The following DEPDC5 variants were observed in gnomAD, a reference collection of about 807,000 sequenced individuals.
The protein encoded by DEPDC5 is GATOR1 complex protein DEPDC5.
DEPDC5 carries 73 observed loss-of-function variants against 217.3 expected under a neutral mutation model. The observed-to-expected ratio is 0.34, with a 90% CI of 0.28 to 0.41. The LOEUF is 0.41. DEPDC5 is among the 10% of genes least tolerant of loss of function. The pLI, the probability that DEPDC5 is intolerant of heterozygous loss-of-function variation, is 1.00. For synonymous variants in DEPDC5, 733 were observed against 756.7 expected (o/e 0.97, Z 0.51); for missense variants, 1,675 against 2,070.1 (o/e 0.81, Z 3.70).
chr22:31,796,897 G>A (rs538032158), intron 12 of DEPDC5, among the ~76,000 whole-genome samples: 4 of 151,656 alleles, frequency 2.6e-5, no homozygotes, highest in African/African-American at 4.8e-5. Flanking sequence ...GGGTTTCACC[G>A]TGTTGGCCAG....
chr22:31,850,455 G>T (rs1332466518), intron 31 of DEPDC5, among the ~76,000 whole-genome samples: 1 of 152,098 alleles, frequency 6.6e-6, no homozygotes, highest in Non-Finnish European at 1.5e-5. Flanking sequence ...ATTAGTTATT[G>T]TTGATAATCT....
At chr22:31,812,897 C>T (rs780468185) in intron 20 of DEPDC5, among the ~76,000 whole-genome samples, 10 of 151,832 alleles carry the variant, frequency 6.6e-5, no homozygotes, top group Non-Finnish European at 7.4e-5. Context: ...TGCGCCTCCA[C>T]GCCTGGCTAA....
chr22:31,815,504 C>T, intron 21 of DEPDC5: 1 of 654,310 alleles, frequency 1.5e-6, no homozygotes, highest in East Asian at 2.7e-5. Context: ...CCCACCTCTG[C>T]CTCCCAAGTA....
At chr22:31,881,528 G>A (rs533009864) in intron 38 of DEPDC5, among the ~76,000 whole-genome samples, 2 of 152,146 alleles carry the variant, frequency 1.3e-5, no homozygotes, top group East Asian at 1.9e-4. Flanking sequence ...CCGTATACCC[G>A]TTACCCTGGG....
intron 38 of DEPDC5, among the ~76,000 whole-genome samples, chr22:31,883,633 CTG>C (rs1010858403): frequency 6.6e-6 from 1 of 152,208 alleles, no homozygotes; most frequent in Non-Finnish European, 1.5e-5. Context: ...GTTTAGGAAA[CTG>C]TGAGGCTCAG....
chr22:31,892,442 G>A (rs546579921), intron 38 of DEPDC5, among the ~76,000 whole-genome samples: 2 of 152,358 alleles, frequency 1.3e-5, no homozygotes, highest in African/African-American at 4.8e-5. Context: ...CCAGCACTTT[G>A]AGAGGCCGAG....
At chr22:31,868,231 T>C (rs1569154206) in intron 33 of DEPDC5, among the ~76,000 whole-genome samples, 1 of 152,060 alleles carries the variant, frequency 6.6e-6, no homozygotes, top group Non-Finnish European at 1.5e-5. Context: ...AAGGGACATT[T>C]GGTAATATCT....
At chr22:31,814,765 A>T in intron 20 of DEPDC5, 1 of 561,160 alleles carries the variant, frequency 1.8e-6, no homozygotes, top group Non-Finnish European at 3.2e-6. Flanking sequence ...TACAACTATG[A>T]TCCTAGGACT....
At chr22:31,847,917 G>A (rs2149045585) in intron 31 of DEPDC5, among the ~76,000 whole-genome samples, 1 of 152,272 alleles carries the variant, frequency 6.6e-6, no homozygotes, top group Admixed American at 6.5e-5. Flanking sequence ...AAAGTCAAAA[G>A]CAAGTTAGTT....
chr22:31,889,960 G>C (rs890387320), intron 38 of DEPDC5, among the ~76,000 whole-genome samples: 1 of 152,170 alleles, frequency 6.6e-6, no homozygotes, highest in Non-Finnish European at 1.5e-5. Flanking sequence ...AAATGTCACA[G>C]ACAGCCAACC....
In DEPDC5 at chr22:31,806,168, C is replaced by G. The variant is rs757511744; in HGVS notation, c.1264C>G (p.Arg422Gly). 1.2e-6 allele frequency: 2 copies of G among 1,613,912 alleles called. No homozygotes were observed. The highest frequency in any genetic ancestry group is 1.1e-5 in the South Asian group (1 of 91,056). ...GCTCTTTTGTAATAGTTTCACCCCA[C>G]GAATAAAACTGGCAGGAAAGAAGGT... ...SQLFCNSFTP[R>G]IKLAGKKPAS... The change falls in exon 18 of 43, where the codon CGA (arginine) becomes GGA (glycine). Residue 422 changes from arginine (R) to glycine (G), a missense_variant. Physicochemically the swap from Arg to Gly is moderately radical, Grantham distance 125. Around this residue, in one of 11 missense-constraint regions of DEPDC5, gnomAD observed 628 missense variants for 762.1 expected, o/e 0.82. Transcript: ENST00000651528.
intron 7 of DEPDC5, among the ~76,000 whole-genome samples, chr22:31,777,659 AC>A (rs1384017601): frequency 6.6e-6 from 1 of 152,062 alleles, no homozygotes; most frequent in Non-Finnish European, 1.5e-5. Context: ...TAATCTGTTC[AC>A]GGAGTTCTCT....
At chr22:31,836,806 T>C in intron 25 of DEPDC5, 166 bp from the exon 26 acceptor site, 1 of 629,300 alleles carries the variant, frequency 1.6e-6, no homozygotes, top group Non-Finnish European at 2.8e-6. Flanking sequence ...TCTGTTTCTC[T>C]CTCTTTCTCC....
intron 4 of DEPDC5, among the ~76,000 whole-genome samples, chr22:31,761,967 C>CAA (rs776677814): frequency 9.0e-4 from 55 of 61,052 alleles, no homozygotes; most frequent in East Asian, 1.7e-3. Flanking sequence ...GACTCCGGCT[C>CAA]AAAAAAAAAA....
rs1180136245 is a variant in DEPDC5 at position 31,852,371 on chromosome 22, G to A, written c.3156-5074G>A. ...TTTTTTTTTTTTGAGATGGAGTTTC[G>A]CTCTTGTTGCCTAGGCTGGAGTGCA... On this transcript the variant is annotated intron_variant, in intron 31 of 42. Coordinates refer to ENST00000651528, the MANE Select transcript of DEPDC5 (RefSeq NM_001242896.3). Among the ~76,000 whole-genome samples the A allele has an allele frequency of 1.6e-4, 20 of 128,510 alleles. No homozygotes were observed. In the East Asian group the frequency reaches 4.4e-3, roughly 28 times the overall value. The allele number at this position is 128,510 out of a possible 152,430, so 84.3% of individuals were successfully genotyped here.
At chr22:31,791,629 A>G (rs982027351) in intron 10 of DEPDC5, among the ~76,000 whole-genome samples, 3 of 131,584 alleles carry the variant, frequency 2.3e-5, no homozygotes, top group Non-Finnish European at 4.9e-5. Context: ...GACTGCCTCA[A>G]AAAAAAAAAA....
intron 7 of DEPDC5, among the ~76,000 whole-genome samples, chr22:31,776,952 A>G (rs2083921086): frequency 6.6e-6 from 1 of 151,192 alleles, no homozygotes; most frequent in Non-Finnish European, 1.5e-5. Flanking sequence ...CCAAGTTGCT[A>G]TTAGTTAATT....
rs918653735 is a variant in DEPDC5 at position 31,819,149 on chromosome 22, T to G, written c.1794T>G (p.Ile598Met). 5.0e-6 allele frequency: 8 copies of G among 1,614,044 alleles called. No homozygotes were observed. Among genetic ancestry groups the G allele is most frequent in the Non-Finnish European group, 5.9e-6 (7 of 1,180,026 alleles). The change falls in exon 22 of 43, where the codon ATT (isoleucine) becomes ATG (methionine). Residue 598 changes from isoleucine (I) to methionine (M), a missense_variant. Transcript: ENST00000651528. ...GATACACGCCCCAGAGAGCACTGAT[T>G]AACCCCTTCGCTCCCTCTCGGATGC... ...PGGYTPQRAL[I>M]NPFAPSRMPM...
At chr22:31,904,533 A>G (rs1185002177) in intron 41 of DEPDC5, among the ~76,000 whole-genome samples, 26 of 152,222 alleles carry the variant, frequency 1.7e-4, no homozygotes, top group Non-Finnish European at 1.5e-5. Context: ...ACCTGAGGTC[A>G]GCAGTTCAAG....
Sources: allele counts gnomAD v4.1 joint callset (sites outside exome capture counted in the v4.1 genomes callset), GRCh38; gene constraint gnomAD v4.1.1; regional missense constraint gnomAD v4.1.1; transcripts MANE v1.5; gene names NCBI Gene and HGNC (gene_info 2026-07-23, HGNC 2026-07-21).